Variants in PALMD observed in about 807,000 individuals in gnomAD.
The protein encoded by PALMD is paralemmin-like protein.
A neutral mutation model predicts 56.2 loss-of-function variants in PALMD; 42 were observed. The observed-to-expected ratio is 0.75, with a 90% CI of 0.58 to 0.97. The LOEUF is 0.97. Ranked by LOEUF, PALMD falls within the 50% of genes least tolerant of loss-of-function variation. The probability of loss-of-function intolerance (pLI) is 0.00; values close to 1 mark genes in which losing one functional copy is unlikely to be tolerated. For synonymous variants in PALMD, 242 were observed against 222.9 expected, an observed-to-expected ratio of 1.09 and a Z score of -0.76; for missense variants, 660 against 643.8, an observed-to-expected ratio of 1.03 and a Z score of -0.27.
chr1:99,649,684 C>T (rs1053210960), intron 1 of PALMD, among the ~76,000 whole-genome samples: 6 of 152,142 alleles, frequency 3.9e-5, no homozygotes, highest in Non-Finnish European at 7.4e-5. Context: ...CATTTTCTTA[C>T]CCCCATGCCT....
intron 3 of PALMD, among the ~76,000 whole-genome samples, chr1:99,672,095 G>C (rs1653100730): frequency 6.6e-6 from 1 of 152,032 alleles, no homozygotes; most frequent in Non-Finnish European, 1.5e-5. Flanking sequence ...ACATTCAGAG[G>C]GTACCCTGAC....
chr1:99,690,264 G>A (rs1453538596), intron 7 of PALMD, among the ~76,000 whole-genome samples: 2 of 152,038 alleles, frequency 1.3e-5, no homozygotes, highest in African/African-American at 2.4e-5. Flanking sequence ...TCTTATATAA[G>A]TTAACAAATT....
chr1:99,667,876 G>C, intron 3 of PALMD, 110 bp downstream of exon 3: 1 of 1,005,620 alleles, frequency 9.9e-7, no homozygotes, highest in South Asian at 1.7e-5. Flanking sequence ...TCTTCCATTT[G>C]AATTTCTTTT....
intron 7 of PALMD, among the ~76,000 whole-genome samples, chr1:99,693,801 T>C (rs1188879113): frequency 1.3e-5 from 2 of 152,206 alleles, no homozygotes; most frequent in African/African-American, 4.8e-5. Context: ...CTAATCTTTA[T>C]AGAAATAGGT....
At chr1:99,681,452 G>A (rs1436615457) in intron 3 of PALMD, among the ~76,000 whole-genome samples, 3 of 151,938 alleles carry the variant, frequency 2.0e-5, no homozygotes, top group Non-Finnish European at 4.4e-5. Flanking sequence ...AATCAGGGCC[G>A]AATATTCTCT....
At chr1:99,691,857 C>T (rs1476146267) in intron 7 of PALMD, among the ~76,000 whole-genome samples, 2 of 151,978 alleles carry the variant, frequency 1.3e-5, no homozygotes, top group African/African-American at 4.8e-5. Context: ...GTCTCTTTTC[C>T]CTTGGTATAA....
intron 1 of PALMD, among the ~76,000 whole-genome samples, chr1:99,649,732 T>TGCTCAA (rs1308995760): frequency 3.9e-5 from 6 of 152,220 alleles, no homozygotes; most frequent in Admixed American, 3.3e-4. Flanking sequence ...AATATGGATA[T>TGCTCAA]GCTCAAACTG....
At chr1:99,648,176 T>C (rs1652485774) in intron 1 of PALMD, among the ~76,000 whole-genome samples, 1 of 152,160 alleles carries the variant, frequency 6.6e-6, no homozygotes, top group Admixed American at 6.5e-5. Flanking sequence ...AGTAATATAC[T>C]TGTATAAAGG....
chr1:99,652,694 G>GAAAAGAAAAGAAAAGAAAAGAAAA, intron 1 of PALMD, among the ~76,000 whole-genome samples: 1 of 86,398 alleles, frequency 1.2e-5, no homozygotes, highest in East Asian at 4.0e-4. Flanking sequence ...GGAAAGGAAA[G>GAAAAGAAAAGAAAAGAAAAGAAAA]GAAAAGAAAA....
chr1:99,692,701 GC>G (rs1056338758), intron 7 of PALMD, among the ~76,000 whole-genome samples: 4 of 152,172 alleles, frequency 2.6e-5, no homozygotes, highest in Admixed American at 2.6e-4. Context: ...GACTCAAAAA[GC>G]CCCTCACTCC....
intron 1 of PALMD, among the ~76,000 whole-genome samples, chr1:99,647,282 A>G (rs1181136680): frequency 6.6e-6 from 1 of 152,224 alleles, no homozygotes; most frequent in Non-Finnish European, 1.5e-5. Flanking sequence ...TAGGTATAGG[A>G]AAAAAATGAG....
intron 1 of PALMD, among the ~76,000 whole-genome samples, chr1:99,657,514 G>A (rs1335310863): frequency 1.3e-5 from 2 of 151,904 alleles, no homozygotes; most frequent in South Asian, 4.1e-4. Context: ...TTGTGCAGTG[G>A]CCTAACTGAG....
chr1:99,662,779 G>T (rs76831347), intron 2 of PALMD, among the ~76,000 whole-genome samples: 1 of 152,126 alleles, frequency 6.6e-6, no homozygotes, highest in Non-Finnish European at 1.5e-5. Context: ...TCATTCCCCC[G>T]GGGGTGCAGA....
intron 3 of PALMD, among the ~76,000 whole-genome samples, chr1:99,681,465 A>G (rs1315455319): frequency 6.6e-6 from 1 of 152,178 alleles, no homozygotes; most frequent in African/African-American, 2.4e-5. Context: ...TATTCTCTTA[A>G]CTATGAATGG....
At chr1:99,647,489 T>C (rs1300440044) in intron 1 of PALMD, among the ~76,000 whole-genome samples, 1 of 152,230 alleles carries the variant, frequency 6.6e-6, no homozygotes, top group Non-Finnish European at 1.5e-5. Flanking sequence ...ATTGATAAGG[T>C]TGGCACTTTT....
intron 7 of PALMD, among the ~76,000 whole-genome samples, chr1:99,691,957 T>G (rs1349155239): frequency 6.6e-6 from 1 of 152,126 alleles, no homozygotes; most frequent in African/African-American, 2.4e-5. Flanking sequence ...ACCCTGGAGA[T>G]TCAAAAGACA....
At chr1:99,684,403 C>T (rs1467651975) in intron 3 of PALMD, 2 of 152,194 alleles carry the variant, frequency 1.3e-5, no homozygotes, top group Admixed American at 1.3e-4. Flanking sequence ...ACTCCTTGAG[C>T]TCAGGGACTT....
chr1:99,660,689 T>C (rs1055757895), intron 1 of PALMD, among the ~76,000 whole-genome samples: 2 of 152,042 alleles, frequency 1.3e-5, no homozygotes, highest in Non-Finnish European at 2.9e-5. Flanking sequence ...TAAGCTGATA[T>C]AGCCTGAGTC....
chr1:99,686,853 A>G lies in PALMD; in HGVS notation c.366+63A>G, dbSNP rs182620092. The stretch of plus-strand genomic sequence containing the variant: ...CAAAATGAATCCACAAATACTATAT[A>G]ATTTTTCAAAGCATATCCACATTTA... On this transcript the variant is annotated intron_variant, in intron 4 of 7. Coordinates refer to ENST00000263174, the MANE Select transcript of PALMD (RefSeq NM_017734.5). 41 of 1,363,244 alleles carry G rather than the reference A, an allele frequency of 3.0e-5. No individual in the cohort carries two copies. The Admixed American group carries it at 6.5e-4, about 22-fold the overall frequency. The allele number at this position is 1,363,244 out of a possible 1,614,324, so 84.4% of individuals were successfully genotyped here. A position where few individuals can be genotyped will look rare whatever the true frequency, so the allele number is the denominator to read the frequency against.
Sources: gnomAD v4.1 joint callset for allele counts (sites outside exome capture counted in the v4.1 genomes callset) on GRCh38, gnomAD v4.1.1 for gene constraint, MANE v1.5 for transcripts, NCBI Gene and HGNC (gene_info 2026-07-23, HGNC 2026-07-21) for gene names.